KIF2A: variants seen among roughly 807,000 people sequenced by gnomAD.
The protein encoded by KIF2A is kinesin family member 2A.
Under a neutral mutation model 100.2 loss-of-function variants are expected in KIF2A, and 22 were observed. The observed-to-expected ratio is 0.22, with a 90% CI of 0.16 to 0.31. The LOEUF is 0.31. KIF2A is among the 10% of genes least tolerant of loss of function. The pLI is 1.00. For missense variants in KIF2A, 495 were observed against 898.7 expected (o/e 0.55, Z 5.74); for synonymous variants, 268 against 285.9 (o/e 0.94, Z 0.63).
Position 62,381,260 on chromosome 5 carries a change from C to T in KIF2A, c.2149+7C>T, listed in dbSNP as rs565283508. ...ATTTTAACTGAACTGCGGGGTAATT[C>T]TTTTTCCATTTTAATGTTTGAAATC... On this transcript the variant is annotated splice_region_variant and intron_variant, in intron 20 of 20. Coordinates refer to ENST00000407818, the MANE Select transcript of KIF2A (RefSeq NM_001098511.3). 8.1e-6 allele frequency: 13 copies of T among 1,610,382 alleles called. No homozygotes were observed. Among genetic ancestry groups the T allele is most frequent in the African/African-American group, 1.3e-5 (1 of 74,788 alleles).
intron 7 of KIF2A, 67 bp from the exon 8 acceptor site, chr5:62,357,624 A>G: frequency 3.8e-6 from 3 of 784,804 alleles, no homozygotes; most frequent in Admixed American, 2.8e-5. Flanking sequence ...GAAATATTAC[A>G]TAATTTACGT....
At chr5:62,377,790 A>G (rs1268250806) in intron 19 of KIF2A, 28 bp downstream of exon 19, 2 of 1,161,490 alleles carry the variant, frequency 1.7e-6, no homozygotes, top group Non-Finnish European at 2.5e-6. Flanking sequence ...TTTCCTTCAA[A>G]ATATTTCTTG....
chr5:62,332,122 C>T (rs1013117745), intron 1 of KIF2A, among the ~76,000 whole-genome samples: 1 of 152,130 alleles, frequency 6.6e-6, no homozygotes, highest in Non-Finnish European at 1.5e-5. Flanking sequence ...AACTAGAAAA[C>T]ATATAATAGG....
chr5:62,310,515 A>G (rs1185274553), intron 1 of KIF2A, among the ~76,000 whole-genome samples: 1 of 152,210 alleles, frequency 6.6e-6, no homozygotes, highest in Non-Finnish European at 1.5e-5. Flanking sequence ...TTAGAATGAC[A>G]TCTTAGCTGG....
At chr5:62,320,133 T>A (rs1451424548) in intron 1 of KIF2A, among the ~76,000 whole-genome samples, 1 of 152,184 alleles carries the variant, frequency 6.6e-6, no homozygotes, top group East Asian at 1.9e-4. Flanking sequence ...GTAATTTACT[T>A]AATAATAATG....
Position 62,372,526 on chromosome 5 carries a change from G to A in KIF2A, c.1735G>A (p.Asp579Asn), listed in dbSNP as rs764991951. The A allele has an allele frequency of 7.5e-6, 12 of 1,608,214 alleles. No homozygotes were observed. Among genetic ancestry groups the A allele is most frequent in the African/African-American group, 1.3e-5 (1 of 74,932 alleles). The change falls in exon 17 of 21, where the codon GAC (aspartate) becomes AAC (asparagine). Residue 579 changes from aspartate (D) to asparagine (N), a missense_variant. By Grantham distance (23) the Asp-to-Asn change is conservative (BLOSUM62 1). Coordinates refer to ENST00000407818, the MANE Select transcript of KIF2A (RefSeq NM_001098511.3). ...TGATCTCTCTCCTTCTTATGAATAT[G>A]ACGACTTTTCTCCTTCAGTTACCAG... ...RPDLSPSYEYDDFSPSVTRVK... is the reference protein window; with the variant it reads ...RPDLSPSYEYNDFSPSVTRVK...
intron 7 of KIF2A, among the ~76,000 whole-genome samples, chr5:62,356,050 G>A (rs995736907): frequency 1.3e-5 from 2 of 151,976 alleles, no homozygotes; most frequent in African/African-American, 4.8e-5. Context: ...CAAAGTGGGA[G>A]GCCTGTAATC....
intron 9 of KIF2A, 97 bp downstream of exon 9, chr5:62,358,396 T>G: frequency 1.4e-6 from 1 of 717,316 alleles, no homozygotes; most frequent in Non-Finnish European, 2.2e-6. Flanking sequence ...TCTTAAGAGG[T>G]GCAATATGCT....
intron 1 of KIF2A, among the ~76,000 whole-genome samples, chr5:62,332,936 A>G (rs1442601491): frequency 1.3e-5 from 2 of 152,258 alleles, no homozygotes; most frequent in Non-Finnish European, 2.9e-5. Context: ...AAACAAGTAT[A>G]TGAGAGGCTG....
chr5:62,356,786 C>CTT lies in KIF2A; in HGVS notation c.655-889_655-888dup, dbSNP rs201800931. 1.1e-4 allele frequency among the ~76,000 whole-genome samples: 15 copies of CTT among 134,288 alleles called. No homozygotes were observed. In the South Asian group the frequency reaches 1.7e-3, roughly 15 times the overall value. 88.1% of individuals were successfully genotyped at this position (134,288 alleles called of 152,430 possible). A position where few individuals can be genotyped will look rare whatever the true frequency, so the allele number is the denominator to read the frequency against. ...GCACATCTTGAAGTGGATAATACAG[C>CTT]TTTTTTTTTTTTTTTTTGGAGACAC... On this transcript the variant is annotated intron_variant, in intron 7 of 20. Coordinates refer to ENST00000407818, the MANE Select transcript of KIF2A (RefSeq NM_001098511.3).
At chr5:62,317,987 A>G (rs961477059) in intron 1 of KIF2A, among the ~76,000 whole-genome samples, 6 of 152,270 alleles carry the variant, frequency 3.9e-5, no homozygotes, top group Admixed American at 1.3e-4. Context: ...GTCTCATATT[A>G]GATGAGCAAC....
chr5:62,312,677 A>G (rs1229819022), intron 1 of KIF2A, among the ~76,000 whole-genome samples: 1 of 152,260 alleles, frequency 6.6e-6, no homozygotes, highest in Non-Finnish European at 1.5e-5. Flanking sequence ...AGATAAAGCA[A>G]TATTAGTGGT....
At chr5:62,324,862 G>A (rs1209903930) in intron 1 of KIF2A, among the ~76,000 whole-genome samples, 1 of 152,038 alleles carries the variant, frequency 6.6e-6, no homozygotes, top group Non-Finnish European at 1.5e-5. Flanking sequence ...ATGACAAATA[G>A]GAGCTAATTA....
chr5:62,373,549 C>G, intron 17 of KIF2A, 138 bp from the exon 18 acceptor site: 1 of 610,566 alleles, frequency 1.6e-6, no homozygotes, highest in Non-Finnish European at 2.8e-6. Flanking sequence ...CTACAGATTT[C>G]AGATAAATTT....
At chr5:62,326,881 T>A (rs138295454) in intron 1 of KIF2A, among the ~76,000 whole-genome samples, 74 of 152,020 alleles carry the variant, frequency 4.9e-4, no homozygotes, top group African/African-American at 1.7e-3. Flanking sequence ...CCTGTGGTCC[T>A]ACCTACTGAG....
rs188582462 is a variant in KIF2A at position 62,374,704 on chromosome 5, C to T, written c.1911+867C>T. On this transcript the variant is annotated intron_variant, in intron 18 of 20. Transcript: ENST00000407818. ...GCCTGTAATCCGAGGCCGAGGTGGG[C>T]GGATCACTTAAGGTCAGGAGTTCAA... Among the ~76,000 whole-genome samples the T allele has an allele frequency of 5.2e-3, 797 of 152,136 alleles. 9 individuals carry two copies. The highest frequency in any genetic ancestry group is 0.018 in the African/African-American group (765 of 41,502).
chr5:62,332,856 C>G (rs1746724642), intron 1 of KIF2A, among the ~76,000 whole-genome samples: 2 of 152,102 alleles, frequency 1.3e-5, no homozygotes, highest in Admixed American at 1.3e-4. Flanking sequence ...TTGCTTTTTG[C>G]CCATTCCCAC....
intron 1 of KIF2A, chr5:62,306,857 C>G (rs71617429): frequency 1.2e-5 from 4 of 332,374 alleles, no homozygotes; most frequent in Non-Finnish European, 1.7e-5. Flanking sequence ...AGCCCCCCCC[C>G]GGGGACACCA....
In KIF2A at chr5:62,361,657, T is replaced by C. The variant is rs184788281; in HGVS notation, c.1027+128T>C. 2.6e-3 allele frequency: 1,499 copies of C among 570,260 alleles called. 3 individuals carry two copies. The highest frequency in any genetic ancestry group is 3.7e-3 in the Non-Finnish European group (1,207 of 324,282). 35.3% of individuals were successfully genotyped at this position (570,260 alleles called of 1,614,324 possible). A position where few individuals can be genotyped will look rare whatever the true frequency, so the allele number is the denominator to read the frequency against. On this transcript the variant is annotated intron_variant, in intron 11 of 20. Coordinates refer to ENST00000407818, the MANE Select transcript of KIF2A (RefSeq NM_001098511.3). Reference sequence around the variant, plus strand: ...TATTAACTGTCTATTATGTCAATTATAGGTTATTAGATTGCTTGAAAAGAA... The same window carrying C: ...TATTAACTGTCTATTATGTCAATTACAGGTTATTAGATTGCTTGAAAAGAA...
Sources: gnomAD v4.1 joint callset for allele counts (sites outside exome capture counted in the v4.1 genomes callset) on GRCh38, gnomAD v4.1.1 for gene constraint, MANE v1.5 for transcripts, NCBI Gene and HGNC (gene_info 2026-07-23, HGNC 2026-07-21) for gene names.